The following RAI1 variants were observed in gnomAD, a reference collection of about 807,000 sequenced individuals.
The protein encoded by RAI1 is retinoic acid induced 1.
RAI1 carries 9 observed loss-of-function variants against 123.8 expected under a neutral mutation model. The observed-to-expected ratio is 0.07, with a 90% confidence interval of 0.04 to 0.13. The LOEUF (loss-of-function observed/expected upper bound fraction) is 0.13. Ranked by LOEUF, RAI1 falls within the 10% of genes least tolerant of loss-of-function variation. The pLI, the probability that RAI1 is intolerant of heterozygous loss-of-function variation, is 1.00. For missense variants in RAI1, 2,256 were observed against 2,545.8 expected (o/e 0.89, Z 2.45); for synonymous variants, 1,231 against 1,127.3 (o/e 1.09, Z -1.84).
chr17:17,798,048 G>C lies in RAI1; in HGVS notation c.5100G>C (p.Gly1700=). 1.2e-6 allele frequency: 2 copies of C among 1,614,108 alleles called. No homozygotes were observed. Among genetic ancestry groups the C allele is most frequent in the Non-Finnish European group, 8.5e-7 (1 of 1,180,014 alleles). ...ACCCGGCCAACTTCAAGGACCTTGG[G>C]GACCTCTGTGGGCCCTACTACCCTG... ...CQNPANFKDL[G]DLCGPYYPEH... is the part of the protein sequence containing the mutation. The change falls in exon 3 of 6, where the codon GGG becomes GGC. Residue 1700 remains glycine, a synonymous_variant. Coordinates refer to ENST00000353383, the MANE Select transcript of RAI1 (RefSeq NM_030665.4).
intron 1 of RAI1, among the ~76,000 whole-genome samples, chr17:17,700,443 C>T (rs1915181358): frequency 6.6e-6 from 1 of 151,842 alleles, no homozygotes; most frequent in African/African-American, 2.4e-5. Flanking sequence ...CGCGCAGCCC[C>T]TGCGGGGGTG....
In RAI1 at chr17:17,736,152, G is replaced by A. The variant is rs546088189; in HGVS notation, c.-17+11993G>A. Among the ~76,000 whole-genome samples the A allele has an allele frequency of 2.0e-5, 3 of 152,312 alleles. No individual in the cohort carries two copies. In the East Asian group the frequency reaches 5.8e-4, roughly 29 times the overall value. On this transcript the variant is annotated intron_variant, in intron 2 of 5. Transcript: ENST00000353383. ...TCTGGGCTGTGTGGGTATTGACTGT[G>A]AACTGTGAGTATGTGCACTTGGGCC...
intron 2 of RAI1, among the ~76,000 whole-genome samples, chr17:17,788,173 T>G (rs1483940768): frequency 1.3e-5 from 2 of 152,092 alleles, no homozygotes; most frequent in Non-Finnish European, 2.9e-5. Flanking sequence ...TATCCAAGCG[T>G]TGCCCACAGG....
At chr17:17,782,380 T>A (rs1042872171) in intron 2 of RAI1, among the ~76,000 whole-genome samples, 2 of 151,376 alleles carry the variant, frequency 1.3e-5, no homozygotes, top group Admixed American at 1.3e-4. Flanking sequence ...GGAGGTGGCG[T>A]TGGGGAGGGC....
Position 17,794,281 on chromosome 17 carries a change from A to G in RAI1, c.1333A>G (p.Ile445Val), listed in dbSNP as rs778399141. ...LTALTSQVEN[I>V]SNTVQQLLLS... ...GGCGCTGACCTCACAGGTGGAGAAC[A>G]TCTCCAACACCGTCCAGCAGCTGCT... Residue 445 changes from isoleucine (I) to valine (V), a missense_variant, in exon 3 of 6, where the codon ATC (isoleucine) becomes GTC (valine). Ile to Val is a conservative substitution (Grantham distance 29). Transcript: ENST00000353383. The G allele has an allele frequency of 2.2e-5, 36 of 1,613,246 alleles. No homozygotes were observed. The highest frequency in any genetic ancestry group is 4.5e-5 in the East Asian group (2 of 44,872).
chr17:17,712,532 G>C (rs1309441567), intron 1 of RAI1, among the ~76,000 whole-genome samples: 1 of 152,220 alleles, frequency 6.6e-6, no homozygotes, highest in Non-Finnish European at 1.5e-5. Context: ...TTGGTTTTAA[G>C]TCTTATGTGA....
chr17:17,739,812 G>A (rs941629877), intron 2 of RAI1, among the ~76,000 whole-genome samples: 1 of 152,234 alleles, frequency 6.6e-6, no homozygotes, highest in Non-Finnish European at 1.5e-5. Context: ...GGAACTACCC[G>A]GAGGCCACCT....
intron 1 of RAI1, among the ~76,000 whole-genome samples, chr17:17,701,889 G>A (rs1915235522): frequency 6.6e-6 from 1 of 152,244 alleles, no homozygotes; most frequent in Admixed American, 6.5e-5. Context: ...GTCAGGCAAT[G>A]CTGAGAGCAC....
chr17:17,716,530 C>T (rs558062055), intron 1 of RAI1, among the ~76,000 whole-genome samples: 9 of 152,202 alleles, frequency 5.9e-5, no homozygotes, highest in African/African-American at 2.2e-4. Context: ...GGACAGGGTT[C>T]TGTACGTGTG....
chr17:17,771,964 A>C (rs4924815), intron 2 of RAI1, among the ~76,000 whole-genome samples: 6,092 of 152,282 alleles, frequency 0.04, 410 homozygotes, highest in African/African-American at 0.14. Context: ...CACAGGCATT[A>C]ACTGGAGATG....
intron 2 of RAI1, among the ~76,000 whole-genome samples, chr17:17,772,394 C>T (rs545463820): frequency 3.3e-5 from 5 of 152,342 alleles, no homozygotes. Flanking sequence ...CTCTCACCCC[C>T]ATCACCAATC....
Position 17,803,904 on chromosome 17 carries a change from G to C in RAI1, c.5659+55G>C. On this transcript the variant is annotated intron_variant, in intron 4 of 5. Transcript: ENST00000353383. ...TTGGAGCCCATCCAAGCAGTCCAGGGGGACCCTCCCTGGGCACAGCTCCCC... is the reference window on the plus strand; with the variant it reads ...TTGGAGCCCATCCAAGCAGTCCAGGCGGACCCTCCCTGGGCACAGCTCCCC... 3 of 1,542,460 alleles carry C rather than the reference G, an allele frequency of 1.9e-6. No individual in the cohort carries two copies. The East Asian group carries it at 6.7e-5, about 35-fold the overall frequency.
rs374717138 is a variant in RAI1, at chr17:17,805,405, C to T, written c.5659+1556C>T. ...GGGTCCAGCCTCTGTGACCTCTCCC[C>T]GTCACCCTCAATCCCTCCCAACTCT... is the stretch of plus-strand genomic sequence containing the variant. On this transcript the variant is annotated intron_variant, in intron 4 of 5. Coordinates refer to ENST00000353383, the MANE Select transcript of RAI1 (RefSeq NM_030665.4). Among the ~76,000 whole-genome samples the T allele has an allele frequency of 3.4e-4, 52 of 152,288 alleles. No homozygotes were observed. In the East Asian group the frequency reaches 7.3e-3, roughly 21 times the overall value.
intron 2 of RAI1, among the ~76,000 whole-genome samples, chr17:17,750,746 C>T: frequency 6.6e-6 from 1 of 150,626 alleles, no homozygotes; most frequent in East Asian, 1.9e-4. Context: ...TCTGGAGATG[C>T]AGCAGCCAAA....
chr17:17,769,996 G>T (rs375806001), intron 2 of RAI1, among the ~76,000 whole-genome samples: 1 of 151,776 alleles, frequency 6.6e-6, no homozygotes, highest in Non-Finnish European at 1.5e-5. Flanking sequence ...GCGGGTGAGC[G>T]GGGGGGCCCT....
chr17:17,750,689 C>CAAAAA (rs57637022), intron 2 of RAI1, among the ~76,000 whole-genome samples: 1,024 of 78,422 alleles, frequency 0.013, no homozygotes, highest in East Asian at 0.03. Context: ...TACTCCGTCT[C>CAAAAA]AAAAAAAAAA....
rs1598056729 is a variant in RAI1 at position 17,756,155 on chromosome 17, G to A, written c.-17+31996G>A. ...CTGCGAAACTTAAGCATCCATCATG[G>A]GACCTGGCACGGGGGTGCCTGGCCA... is the stretch of plus-strand genomic sequence containing the variant. On this transcript the variant is annotated intron_variant, in intron 2 of 5. Coordinates refer to ENST00000353383, the MANE Select transcript of RAI1 (RefSeq NM_030665.4). 2.0e-5 allele frequency among the ~76,000 whole-genome samples: 3 copies of A among 152,168 alleles called. No homozygotes were observed. The South Asian group carries it at 6.2e-4, about 31-fold the overall frequency.
At chr17:17,699,629 C>CG (rs372576220) in intron 1 of RAI1, among the ~76,000 whole-genome samples, 16,437 of 50,408 alleles carry the variant, frequency 0.33, 1,211 homozygotes, top group Non-Finnish European at 0.38. Flanking sequence ...GTCGGGGGGC[C>CG]GGGGGGGGGG....
At chr17:17,764,472 C>CTTT (rs60189169) in intron 2 of RAI1, among the ~76,000 whole-genome samples, 39 of 134,318 alleles carry the variant, frequency 2.9e-4, no homozygotes, top group African/African-American at 7.2e-4. Flanking sequence ...TTCTTTTCCT[C>CTTT]TTTTTTTTTT....
Sources: gnomAD v4.1 joint callset for allele counts (sites outside exome capture counted in the v4.1 genomes callset) on GRCh38, gnomAD v4.1.1 for gene constraint, MANE v1.5 for transcripts, NCBI Gene and HGNC (gene_info 2026-07-23, HGNC 2026-07-21) for gene names.